Variants in RRM2 observed in about 807,000 individuals in gnomAD.
The protein encoded by RRM2 is ribonucleoside-diphosphate reductase subunit M2.
A neutral mutation model predicts 45.9 loss-of-function variants in RRM2; 6 were observed. The ratio of observed to expected loss-of-function variants is 0.13; its 90% confidence interval spans 0.07 to 0.26. The LOEUF (loss-of-function observed/expected upper bound fraction) is 0.26, where lower values mean the gene tolerates loss of function less well. RRM2 is among the 10% of genes least tolerant of loss of function. The pLI is 1.00. For synonymous variants in RRM2, 177 were observed against 173.0 expected, an observed-to-expected ratio of 1.02 and a Z score of -0.18; for missense variants, 343 against 489.5, an observed-to-expected ratio of 0.70 and a Z score of 2.82.
At chr2:10,150,915 G>A (rs1467589710) in intron 3 of RRM2, among the ~76,000 whole-genome samples, 1 of 151,970 alleles carries the variant, frequency 6.6e-6, no homozygotes. Context: ...CTGGGTTCAA[G>A]CGATTCTCCT....
At chr2:10,173,199 G>A (rs1202513804) in intron 3 of RRM2, among the ~76,000 whole-genome samples, 1 of 152,138 alleles carries the variant, frequency 6.6e-6, no homozygotes, top group Non-Finnish European at 1.5e-5. Flanking sequence ...TGAGGTGTGC[G>A]AAGCTTGGCC....
At chr2:10,179,154 T>G (rs192938230) in intron 3 of RRM2, among the ~76,000 whole-genome samples, 3 of 152,280 alleles carry the variant, frequency 2.0e-5, no homozygotes, top group Admixed American at 6.5e-5. Flanking sequence ...TTCATCCTTT[T>G]TTTGTTTGTT....
Position 10,195,354 on chromosome 2 carries a change from G to A in RRM2, n.483-14957G>A, listed in dbSNP as rs1664392602. On this transcript the variant is annotated intron_variant and non_coding_transcript_variant, in intron 3 of 3. Coordinates refer to the RRM2 transcript ENST00000381786. This position sits in a 1 kb window ranked among gnomAD's most constrained non-coding sequence, Gnocchi z 4.9. ...GGAGGCAGAGGGCTGGACTTGGAAG[G>A]AAGGAAGAGCGGACACAGGGCCTCT... 2.0e-5 allele frequency among the ~76,000 whole-genome samples: 3 copies of A among 152,138 alleles called. No homozygotes were observed. Among genetic ancestry groups the A allele is most frequent in the African/African-American group, 7.2e-5 (3 of 41,436 alleles).
At position 10,185,870 on chromosome 2, in the gene RRM2, T is replaced by C. The variant is rs1664154055; in HGVS notation, n.483-24441T>C. 6.6e-6 allele frequency among the ~76,000 whole-genome samples: 1 copy of C among 152,158 alleles called. No homozygotes were observed. Among genetic ancestry groups the C allele is most frequent in the Admixed American group, 6.5e-5 (1 of 15,280 alleles). On this transcript the variant is annotated intron_variant and non_coding_transcript_variant, in intron 3 of 3. Coordinates refer to the RRM2 transcript ENST00000381786. The surrounding 1 kb of genome is among the most constrained non-coding windows in gnomAD (Gnocchi z 4.3). ...GAAGATGGGGCAGTGCAGCCCCTGC[T>C]GAGCTGACCCTCCTTTCTGTCCTTC...
At chr2:10,148,016 C>T (rs1055212014) in intron 3 of RRM2, among the ~76,000 whole-genome samples, 5 of 151,762 alleles carry the variant, frequency 3.3e-5, no homozygotes, top group East Asian at 3.9e-4. Flanking sequence ...TAGTGGCAGG[C>T]GCCTGTAATC....
chr2:10,157,347 A>T lies in RRM2; in HGVS notation n.482+14972A>T, dbSNP rs1011840761. Among the ~76,000 whole-genome samples, 14 of 152,234 alleles carry T rather than the reference A, an allele frequency of 9.2e-5. 1 individual carries two copies. Among genetic ancestry groups the T allele is most frequent in the Admixed American group, 5.9e-4 (9 of 15,290 alleles). ...AACTGGCCCTAATAGACATTTTTTT[A>T]AACTAAATTATTACACTACAGAAAA... is the stretch of plus-strand genomic sequence containing the variant. On this transcript the variant is annotated intron_variant and non_coding_transcript_variant, in intron 3 of 3. Coordinates refer to the RRM2 transcript ENST00000381786.
chr2:10,136,832 A>G (rs1453902598), upstream of RRM2, among the ~76,000 whole-genome samples: 1 of 152,070 alleles, frequency 6.6e-6, no homozygotes, highest in Non-Finnish European at 1.5e-5. Flanking sequence ...CCAGGACCCC[A>G]TGAGCCACAC....
At chr2:10,136,453 T>C (rs1662991114), upstream of RRM2, among the ~76,000 whole-genome samples, 1 of 152,132 alleles carries the variant, frequency 6.6e-6, no homozygotes, top group Non-Finnish European at 1.5e-5. Flanking sequence ...CGCTGTCATC[T>C]AGAGGCCACT....
chr2:10,177,702 C>CCTTCCTTCCTTT (rs1247308877), intron 3 of RRM2, among the ~76,000 whole-genome samples: 209 of 142,478 alleles, frequency 1.5e-3, no homozygotes, highest in African/African-American at 5.3e-3. Flanking sequence ...TTCCTTCCTT[C>CCTTCCTTCCTTT]CTTCCTCTCT....
chr2:10,178,106 G>A (rs183386807), intron 3 of RRM2, among the ~76,000 whole-genome samples: 4 of 151,146 alleles, frequency 2.6e-5, no homozygotes, highest in East Asian at 1.9e-4. Context: ...TTTCGTATTC[G>A]TAGTAGAGAC....
Position 10,171,016 on chromosome 2 carries a change from C to T in RRM2, n.482+28641C>T, listed in dbSNP as rs1025665285. 6.6e-6 allele frequency among the ~76,000 whole-genome samples: 1 copy of T among 152,234 alleles called. No homozygotes were observed. Among genetic ancestry groups the T allele is most frequent in the Admixed American group, 6.5e-5 (1 of 15,292 alleles). ...CTCCTTTGAGATGCGGGGCTCAGGC[C>T]TCATCAGGGGAAACGTGGGCATCTA... On this transcript the variant is annotated intron_variant and non_coding_transcript_variant, in intron 3 of 3. Transcript: ENST00000381786. The surrounding 1 kb of genome is among the most constrained non-coding windows in gnomAD (Gnocchi z 4.1).
chr2:10,136,190 A>G (rs1207417838), downstream of RRM2, among the ~76,000 whole-genome samples: 1 of 152,150 alleles, frequency 6.6e-6, no homozygotes, highest in Non-Finnish European at 1.5e-5. Context: ...TCACAAGTGA[A>G]TGGTTTGGAT....
intron 3 of RRM2, among the ~76,000 whole-genome samples, chr2:10,158,145 G>A (rs1215725820): frequency 6.6e-6 from 1 of 151,942 alleles, no homozygotes; most frequent in African/African-American, 2.4e-5. Flanking sequence ...TTGATTTTAC[G>A]GATGAAAAAA....
chr2:10,201,098 G>A (rs945935097), intron 3 of RRM2, among the ~76,000 whole-genome samples: 2 of 149,616 alleles, frequency 1.3e-5, no homozygotes, highest in African/African-American at 2.5e-5. Context: ...GCAGTGAGCC[G>A]AGATTGCACC....
At chr2:10,193,391 G>C (rs1023154044) in intron 3 of RRM2, among the ~76,000 whole-genome samples, 7 of 152,186 alleles carry the variant, frequency 4.6e-5, no homozygotes, top group Non-Finnish European at 1.0e-4. Flanking sequence ...GAGGCTCTGT[G>C]AGACTGTTTT....
chr2:10,173,391 C>A (rs907647361), intron 3 of RRM2, among the ~76,000 whole-genome samples: 1 of 152,262 alleles, frequency 6.6e-6, no homozygotes, highest in Non-Finnish European at 1.5e-5. Context: ...GTTTCCACAG[C>A]CTGATCCCCA....
downstream of RRM2, among the ~76,000 whole-genome samples, chr2:10,134,838 T>C (rs186652980): frequency 6.6e-6 from 1 of 151,818 alleles, no homozygotes; most frequent in Admixed American, 6.6e-5. Flanking sequence ...ATGGAGAGAG[T>C]GGACAGGCAG....
At position 10,169,155 on chromosome 2, in the gene RRM2, T is replaced by TC. The variant is rs1362947701; in HGVS notation, n.482+26780_482+26781insC. Among the ~76,000 whole-genome samples, 14 of 150,726 alleles carry TC rather than the reference T, an allele frequency of 9.3e-5. No individual in the cohort carries two copies. The highest frequency in any genetic ancestry group is 8.6e-4 in the Admixed American group (13 of 15,120). Reference sequence around the variant, plus strand: ...GCCCAGCTACTTTTTGTATTTTTTTTTTTTTTTGTAGAGATGGGGTCTCAC... The same window carrying TC: ...GCCCAGCTACTTTTTGTATTTTTTTTCTTTTTTTGTAGAGATGGGGTCTCAC... On this transcript the variant is annotated intron_variant and non_coding_transcript_variant, in intron 3 of 3. Transcript: ENST00000381786. The surrounding 1 kb of genome is among the most constrained non-coding windows in gnomAD (Gnocchi z 5.1).
At chr2:10,175,865 C>A (rs1663905653) in intron 3 of RRM2, among the ~76,000 whole-genome samples, 1 of 152,148 alleles carries the variant, frequency 6.6e-6, no homozygotes, top group African/African-American at 2.4e-5. Flanking sequence ...CTCAGCCTCC[C>A]AAAGTGCTGG....
Sources: gnomAD v4.1 joint callset for allele counts (sites outside exome capture counted in the v4.1 genomes callset) on GRCh38, gnomAD v4.1.1 for gene constraint, Gnocchi (gnomAD v3.1) non-coding constraint, MANE v1.5 for transcripts, NCBI Gene and HGNC (gene_info 2026-07-23, HGNC 2026-07-21) for gene names.